GOLGA1: variants seen among roughly 807,000 people sequenced by gnomAD.
GOLGA1 encodes the protein golgin A1.
GOLGA1 carries 63 observed loss-of-function variants against 119.7 expected under a neutral mutation model. That is an observed-to-expected ratio of 0.53 (90% CI 0.43 to 0.65). The LOEUF (loss-of-function observed/expected upper bound fraction) is 0.65, where lower values mean the gene tolerates loss of function less well. Among genes scored for constraint, GOLGA1 ranks in the 30% least tolerant of loss-of-function variants. The pLI is 0.00. For missense variants in GOLGA1, 798 were observed against 912.8 expected, an observed-to-expected ratio of 0.87 and a Z score of 1.62; for synonymous variants, 318 against 333.4, an observed-to-expected ratio of 0.95 and a Z score of 0.50.
At chr9:124,886,751 T>C (rs894261413) in intron 19 of GOLGA1, among the ~76,000 whole-genome samples, 1 of 151,606 alleles carries the variant, frequency 6.6e-6, no homozygotes, top group Non-Finnish European at 1.5e-5. Context: ...GAACAGGATA[T>C]GAGGAGAGGC....
At chr9:124,889,652 G>T (rs752120885) in intron 16 of GOLGA1, 116 bp from the exon 17 acceptor site, 66 of 764,230 alleles carry the variant, frequency 8.6e-5, no homozygotes, top group Non-Finnish European at 1.3e-4. Context: ...TGAAGTCCAC[G>T]ACCCAGAGCA....
intron 15 of GOLGA1, among the ~76,000 whole-genome samples, chr9:124,892,417 G>A (rs2131384394): frequency 6.6e-6 from 1 of 152,230 alleles, no homozygotes; most frequent in South Asian, 2.1e-4. Flanking sequence ...TCCATGCACT[G>A]CTTTAGTTAT....
intron 3 of GOLGA1, among the ~76,000 whole-genome samples, chr9:124,933,215 G>A (rs1313640929): frequency 2.0e-5 from 3 of 152,132 alleles, no homozygotes; most frequent in Non-Finnish European, 4.4e-5. Context: ...TAGATTCTAC[G>A]CAGAAGAACT....
upstream of GOLGA1, chr9:124,942,771 T>A (rs1831077846): frequency 6.6e-6 from 1 of 152,164 alleles, no homozygotes; most frequent in Admixed American, 6.5e-5. Flanking sequence ...ACAACAAAAA[T>A]CAAATATTCT....
intron 4 of GOLGA1, among the ~76,000 whole-genome samples, chr9:124,929,839 T>C (rs1413857877): frequency 6.6e-6 from 1 of 152,170 alleles, no homozygotes; most frequent in Non-Finnish European, 1.5e-5. Context: ...TAAATGTGAA[T>C]GTCAGAATTA....
intron 8 of GOLGA1, 53 bp from the exon 9 acceptor site, chr9:124,921,945 A>C: frequency 6.8e-7 from 1 of 1,467,338 alleles, no homozygotes; most frequent in Non-Finnish European, 9.5e-7. Context: ...AATACACTTA[A>C]GATCAGGCAT....
In GOLGA1 at chr9:124,921,738, G is replaced by A. The variant is rs765115493; in HGVS notation, c.716C>T (p.Thr239Met). Residue 239 changes from threonine (T) to methionine (M), a missense_variant, in exon 9 of 23, where the codon ACG becomes ATG. Thr to Met is a moderately conservative substitution (Grantham distance 81, BLOSUM62 -1). Coordinates refer to ENST00000373555, the MANE Select transcript of GOLGA1 (RefSeq NM_002077.4). ...KLEELQRHYS[T>M]LEEQRDHVIA... The stretch of plus-strand genomic sequence containing the variant: ...AAGCAAGAACCTCTGCTCTTCCAGC[G>A]TTGAGTAGTGTCTCTGCAATTCTTC... 24 of 1,613,508 alleles carry A rather than the reference G, an allele frequency of 1.5e-5. No homozygotes were observed. The highest frequency in any genetic ancestry group is 2.2e-5 in the East Asian group (1 of 44,900).
intron 3 of GOLGA1, among the ~76,000 whole-genome samples, chr9:124,935,525 A>T (rs1830846884): frequency 6.6e-6 from 1 of 152,118 alleles, no homozygotes; most frequent in Non-Finnish European, 1.5e-5. Flanking sequence ...ACATTTAAGA[A>T]ATGAAAGCTG....
Position 124,899,429 on chromosome 9 carries a change from A to T in GOLGA1, c.1211T>A (p.Leu404Gln). 1 of 1,548,538 alleles carries T rather than the reference A, an allele frequency of 6.5e-7. No homozygotes were observed. The highest frequency in any genetic ancestry group is 8.7e-7 in the Non-Finnish European group (1 of 1,148,088). Reference protein sequence around the residue: ...SSHVQQQALALEQQFLERTQA... With the variant: ...SSHVQQQALAQEQQFLERTQA... ...GGTGCGCTCCAAGAACTGCTGCTCC[A>T]GAGCAAGGGCCTGCTGCTGCACATG... The change falls in exon 14 of 23, where the codon CTG (leucine) becomes CAG (glutamine). Residue 404 changes from leucine (L) to glutamine (Q), a missense_variant. Leu to Gln is a moderately radical substitution (Grantham distance 113, BLOSUM62 -2). Transcript: ENST00000373555.
chr9:124,903,651 CAAAA>C (rs11435294), intron 12 of GOLGA1, among the ~76,000 whole-genome samples: 5 of 91,280 alleles, frequency 5.5e-5, no homozygotes, highest in Non-Finnish European at 1.0e-4. Flanking sequence ...AGAAAAAGAC[CAAAA>C]AAAAAAAAAA....
In GOLGA1 at chr9:124,899,383, T is replaced by C. The variant is rs1830050449; in HGVS notation, c.1257A>G (p.Ile419Met). 1 of 1,549,522 alleles carries C rather than the reference T, an allele frequency of 6.5e-7. No homozygotes were observed. Among genetic ancestry groups the C allele is most frequent in the South Asian group, 1.2e-5 (1 of 84,070 alleles). ...CTGCCCGCGTTCTCTCCAGGGCCAC[T>C]ATCTGGGCTTCTAGCGCCTGGGTGC... ...LERTQALEAQ[I>M]VALERTRAAD... Residue 419 changes from isoleucine to methionine, a missense_variant, in exon 14 of 23, where the codon ATA becomes ATG. Ile to Met is a conservative substitution (Grantham distance 10). Coordinates refer to ENST00000373555, the MANE Select transcript of GOLGA1 (RefSeq NM_002077.4).
chr9:124,933,750 G>A (rs1474882100), intron 3 of GOLGA1, among the ~76,000 whole-genome samples: 1 of 152,136 alleles, frequency 6.6e-6, no homozygotes. Flanking sequence ...TAGGCAGAGG[G>A]TGTTCACATG....
chr9:124,942,425 C>A (rs1331671867), upstream of GOLGA1, among the ~76,000 whole-genome samples: 1 of 152,134 alleles, frequency 6.6e-6, no homozygotes, highest in Non-Finnish European at 1.5e-5. Context: ...TTCAACAGTC[C>A]CTTCCCTCGC....
chr9:124,900,613 A>C, intron 12 of GOLGA1, 66 bp from the exon 13 acceptor site: 1 of 737,306 alleles, frequency 1.4e-6, no homozygotes, highest in Non-Finnish European at 2.3e-6. Flanking sequence ...AAATGGCTTT[A>C]AAATGCAAAG....
chr9:124,902,836 C>T (rs1478721071), intron 12 of GOLGA1, among the ~76,000 whole-genome samples: 1 of 152,136 alleles, frequency 6.6e-6, no homozygotes, highest in Non-Finnish European at 1.5e-5. Context: ...ACATTCACAT[C>T]TTAGATTTAA....
chr9:124,888,215 G>A lies in GOLGA1; in HGVS notation c.1905+38C>T. On this transcript the variant is annotated intron_variant, in intron 19 of 22. Coordinates refer to ENST00000373555, the MANE Select transcript of GOLGA1 (RefSeq NM_002077.4). This position sits in a 1 kb window ranked among gnomAD's most constrained non-coding sequence, Gnocchi z 4.4. ...ATTTTAGGCCTGAGGGTGAGGACCT[G>A]GTGGAGACAGAAACAGCCATGCAAA... 6.2e-7 allele frequency: 1 copy of A among 1,602,208 alleles called. No homozygotes were observed. Among genetic ancestry groups the A allele is most frequent in the Non-Finnish European group, 8.6e-7 (1 of 1,169,422 alleles).
intron 15 of GOLGA1, among the ~76,000 whole-genome samples, chr9:124,898,018 T>A (rs1338876260): frequency 1.3e-5 from 2 of 152,226 alleles, no homozygotes; most frequent in African/African-American, 4.8e-5. Flanking sequence ...GTTTAGGGAA[T>A]GAAAGAGGCA....
chr9:124,935,388 G>A (rs1045493780), intron 3 of GOLGA1, among the ~76,000 whole-genome samples: 7 of 152,102 alleles, frequency 4.6e-5, no homozygotes, highest in African/African-American at 1.4e-4. Flanking sequence ...TTCCACTTGT[G>A]GCCATGTTGG....
At chr9:124,894,104 G>C (rs960203020) in intron 15 of GOLGA1, among the ~76,000 whole-genome samples, 7 of 152,186 alleles carry the variant, frequency 4.6e-5, no homozygotes, top group African/African-American at 1.7e-4. Flanking sequence ...TTCTTGACCA[G>C]TTGGCAGCAT....
Sources: gnomAD v4.1 joint callset for allele counts (sites outside exome capture counted in the v4.1 genomes callset) on GRCh38, gnomAD v4.1.1 for gene constraint, Gnocchi (gnomAD v3.1) non-coding constraint, MANE v1.5 for transcripts, NCBI Gene and HGNC (gene_info 2026-07-23, HGNC 2026-07-21) for gene names.